SLC7A14: variants seen among roughly 807,000 people sequenced by gnomAD.
The protein encoded by SLC7A14 is gamma-aminobutyric acid transporter SLC7A14.
SLC7A14 carries 37 observed loss-of-function variants against 60.2 expected under a neutral mutation model. That is an observed-to-expected ratio of 0.61 (90% CI 0.47 to 0.81). SLC7A14 has a LOEUF of 0.81. SLC7A14 is among the 30% of genes least tolerant of loss of function. The pLI is 0.00. For synonymous variants in SLC7A14, 399 were observed against 395.8 expected, an observed-to-expected ratio of 1.01 and a Z score of -0.10; for missense variants, 886 against 982.7, an observed-to-expected ratio of 0.90 and a Z score of 1.32.
At chr3:170,484,837 G>T (rs1170534268) in intron 5 of SLC7A14, among the ~76,000 whole-genome samples, 1 of 152,176 alleles carries the variant, frequency 6.6e-6, no homozygotes, top group African/African-American at 2.4e-5. Context: ...TTTCCTCTGG[G>T]GATGGGGCAG....
chr3:170,565,184 A>T (rs1714758862), intron 1 of SLC7A14, among the ~76,000 whole-genome samples: 1 of 152,090 alleles, frequency 6.6e-6, no homozygotes, highest in South Asian at 2.1e-4. Context: ...CTGGCCTGGC[A>T]GGGGTGGGGT....
intron 2 of SLC7A14, among the ~76,000 whole-genome samples, chr3:170,526,195 A>C (rs11711701): frequency 2.6e-5 from 4 of 152,080 alleles, no homozygotes; most frequent in Non-Finnish European, 5.9e-5. Flanking sequence ...TGAGGTCAGG[A>C]GTTTGAGACC....
intron 1 of SLC7A14, among the ~76,000 whole-genome samples, chr3:170,574,554 G>A (rs1372305377): frequency 3.9e-5 from 6 of 152,170 alleles, no homozygotes; most frequent in Admixed American, 6.5e-5. Context: ...TTCCTATGGT[G>A]ATCACTACCT....
chr3:170,472,219 A>T (rs1280104842), intron 7 of SLC7A14, among the ~76,000 whole-genome samples: 1 of 149,766 alleles, frequency 6.7e-6, no homozygotes, highest in African/African-American at 2.5e-5. Context: ...AAAAAAAAAT[A>T]ATTAGCTGGG....
intron 2 of SLC7A14, among the ~76,000 whole-genome samples, chr3:170,521,453 C>A (rs1713336591): frequency 6.6e-6 from 1 of 152,168 alleles, no homozygotes; most frequent in Non-Finnish European, 1.5e-5. Flanking sequence ...GAATTAGAAA[C>A]TCTGGAGGTG....
chr3:170,577,585 T>C (rs2108317950), intron 1 of SLC7A14, among the ~76,000 whole-genome samples: 1 of 130,934 alleles, frequency 7.6e-6, no homozygotes, highest in African/African-American at 3.0e-5. Flanking sequence ...GCCACTGCAG[T>C]CCGCAGTCCG....
At chr3:170,545,745 A>T (rs1714159150) in intron 1 of SLC7A14, among the ~76,000 whole-genome samples, 2 of 152,248 alleles carry the variant, frequency 1.3e-5, no homozygotes, top group Non-Finnish European at 2.9e-5. Context: ...CTGCCAAGAA[A>T]ACTTTTCAAT....
intron 4 of SLC7A14, among the ~76,000 whole-genome samples, chr3:170,491,600 T>C (rs1448448173): frequency 6.6e-6 from 1 of 152,064 alleles, no homozygotes; most frequent in Non-Finnish European, 1.5e-5. Flanking sequence ...GCTCTCATCC[T>C]GAGGCCTAAG....
At chr3:170,582,668 T>C (rs1715268362) in intron 1 of SLC7A14, among the ~76,000 whole-genome samples, 1 of 152,172 alleles carries the variant, frequency 6.6e-6, no homozygotes, top group Non-Finnish European at 1.5e-5. Flanking sequence ...ACATTATCAA[T>C]AAGAAGCCAT....
chr3:170,490,177 T>C (rs1712171446), intron 4 of SLC7A14, among the ~76,000 whole-genome samples: 3 of 152,198 alleles, frequency 2.0e-5, no homozygotes, highest in Non-Finnish European at 4.4e-5. Flanking sequence ...TCACATTGCA[T>C]GCCTCTATCA....
At position 170,550,512 on chromosome 3, in the gene SLC7A14, A is replaced by ATTTTTTTT. The variant is rs369436642; in HGVS notation, c.-152-23432_-152-23425dup. 7.4e-4 allele frequency among the ~76,000 whole-genome samples: 45 copies of ATTTTTTTT among 60,610 alleles called. 9 individuals are homozygous for ATTTTTTTT. The highest frequency in any genetic ancestry group is 3.7e-3 in the African/African-American group (42 of 11,468). 39.8% of individuals were successfully genotyped at this position (60,610 alleles called of 152,430 possible). A position where few individuals can be genotyped will look rare whatever the true frequency, so the allele number is the denominator to read the frequency against. On this transcript the variant is annotated intron_variant, in intron 1 of 7. Transcript: ENST00000231706. The stretch of plus-strand genomic sequence containing the variant: ...TAAACCTAATGCCATCTTTCCTTGA[A>ATTTTTTTT]TTTTTTTTTTTTTTTTTTTTTTTTT...
In SLC7A14 at chr3:170,486,092, G is replaced by A. The variant is rs1577504482; in HGVS notation, c.906+130C>T. 3.4e-6 allele frequency: 4 copies of A among 1,188,966 alleles called. No individual in the cohort carries two copies. In the East Asian group the frequency reaches 1.0e-4, roughly 31 times the overall value. The allele number at this position is 1,188,966 out of a possible 1,614,324, so 73.7% of individuals were successfully genotyped here. ...AATTTTTTTCTTGTCATGGGGAGTG[G>A]GGAATGGGGCTACAGGGGACAAAAG... On this transcript the variant is annotated intron_variant, in intron 5 of 7. Transcript: ENST00000231706.
chr3:170,501,354 G>C lies in SLC7A14; in HGVS notation c.305-9C>G. On this transcript the variant is annotated splice_polypyrimidine_tract_variant and intron_variant, in intron 2 of 7. Transcript: ENST00000231706. ...CTCTGCATAGCAGACGCCTGCAAGG[G>C]ACAGACATACACAGATGGTGGACTT... is the stretch of plus-strand genomic sequence containing the variant. The C allele has an allele frequency of 6.2e-7, 1 of 1,612,000 alleles. No individual in the cohort carries two copies. The highest frequency in any genetic ancestry group is 8.5e-7 in the Non-Finnish European group (1 of 1,178,076).
intron 1 of SLC7A14, among the ~76,000 whole-genome samples, chr3:170,574,603 G>C (rs548104400): frequency 6.6e-6 from 1 of 152,248 alleles, no homozygotes; most frequent in Non-Finnish European, 1.5e-5. Flanking sequence ...AGACCAGAAA[G>C]TATGTCAAAC....
chr3:170,534,465 G>A (rs756959536), intron 1 of SLC7A14, among the ~76,000 whole-genome samples: 6 of 152,142 alleles, frequency 3.9e-5, no homozygotes, highest in Non-Finnish European at 7.3e-5. Context: ...GGCACAGGGC[G>A]AAGTTGTGCA....
chr3:170,577,475 G>A (rs1323425241), intron 1 of SLC7A14, among the ~76,000 whole-genome samples: 10 of 151,578 alleles, frequency 6.6e-5, no homozygotes, highest in East Asian at 3.9e-4. Flanking sequence ...AAACTTAGCC[G>A]GGCGCGGTGG....
intron 1 of SLC7A14, among the ~76,000 whole-genome samples, chr3:170,546,291 A>C (rs1240866221): frequency 6.6e-6 from 1 of 152,148 alleles, no homozygotes. Context: ...CAGGTTGATA[A>C]ATGACTGAGG....
intron 3 of SLC7A14, among the ~76,000 whole-genome samples, chr3:170,500,273 T>C (rs1213429728): frequency 6.6e-6 from 1 of 151,892 alleles, no homozygotes; most frequent in Non-Finnish European, 1.5e-5. Context: ...AAACCCCATC[T>C]CTACTGAAAA....
At chr3:170,521,971 T>A (rs1713354519) in intron 2 of SLC7A14, among the ~76,000 whole-genome samples, 1 of 151,874 alleles carries the variant, frequency 6.6e-6, no homozygotes. Context: ...AATAGACACT[T>A]TACCAAGGAG....
Sources: allele counts gnomAD v4.1 joint callset (sites outside exome capture counted in the v4.1 genomes callset), GRCh38; gene constraint gnomAD v4.1.1; transcripts MANE v1.5; gene names NCBI Gene and HGNC (gene_info 2026-07-23, HGNC 2026-07-21).